Variants in GNG12 observed in about 807,000 individuals in gnomAD.
GNG12 encodes G protein subunit gamma 12.
For synonymous variants in GNG12, 28 were observed against 29.7 expected (o/e 0.94, Z 0.19); for missense variants, 69 against 83.8 (o/e 0.82, Z 0.69).
intron 1 of GNG12, among the ~76,000 whole-genome samples, chr1:67,826,877 C>A (rs1445867210): frequency 6.6e-6 from 1 of 152,182 alleles, no homozygotes; most frequent in African/African-American, 2.4e-5. Context: ...GAGGTAACTG[C>A]AAGCTTGGGG....
rs79798278 is a variant in GNG12 at position 67,725,013 on chromosome 1, C to T, written c.-26-17301G>A. Among the ~76,000 whole-genome samples, 171 of 152,304 alleles carry T rather than the reference C, an allele frequency of 1.1e-3. 3 individuals are homozygous for T. In the East Asian group the frequency reaches 0.028, roughly 25 times the overall value. On this transcript the variant is annotated intron_variant, in intron 2 of 3. Transcript: ENST00000370982. ...GTTAATTATTATCTACAATTTCCTT[C>T]TTTAGATCATGATCTAACAAGTATG...
At chr1:67,777,156 G>A (rs1217395691) in intron 2 of GNG12, 1 of 152,136 alleles carries the variant, frequency 6.6e-6, no homozygotes, top group Non-Finnish European at 1.5e-5. Context: ...ACACTCTGTT[G>A]TTTTGGATAC....
At chr1:67,792,936 T>A (rs1376834041) in intron 1 of GNG12, among the ~76,000 whole-genome samples, 1 of 152,204 alleles carries the variant, frequency 6.6e-6, no homozygotes, top group Non-Finnish European at 1.5e-5. Context: ...CCATTTATCA[T>A]GACACACTCA....
chr1:67,751,852 T>C (rs953643465), intron 2 of GNG12, among the ~76,000 whole-genome samples: 1 of 152,118 alleles, frequency 6.6e-6, no homozygotes, highest in African/African-American at 2.4e-5. Flanking sequence ...TGAACACGGG[T>C]ACTGAATGAG....
chr1:67,730,825 AC>A (rs897493754), intron 2 of GNG12, among the ~76,000 whole-genome samples: 2 of 152,124 alleles, frequency 1.3e-5, no homozygotes, highest in East Asian at 1.9e-4. Context: ...GGGCCCAGGA[AC>A]CCTTTTCAAT....
At chr1:67,781,141 G>T (rs768820599) in intron 1 of GNG12, among the ~76,000 whole-genome samples, 2 of 152,226 alleles carry the variant, frequency 1.3e-5, no homozygotes, top group African/African-American at 2.4e-5. Flanking sequence ...CCTGGTCAGA[G>T]ATTGTATTAG....
rs761117265 is a variant in GNG12 at position 67,703,976 on chromosome 1, TGAA to T, written c.*1472_*1474del. 1 of 152,252 alleles carries T rather than the reference TGAA, an allele frequency of 6.6e-6. No homozygotes were observed. The highest frequency in any genetic ancestry group is 2.4e-5 in the African/African-American group (1 of 41,468). The allele number at this position is 152,252 out of a possible 1,614,324, so 9.4% of individuals were successfully genotyped here. On this transcript the variant is annotated 3_prime_UTR_variant, in exon 4 of 4. Coordinates refer to ENST00000370982, the MANE Select transcript of GNG12 (RefSeq NM_018841.6). ...TCCTTAGTAGTTACTTTTAATGAAC[TGAA>T]GAAGAATTAAAGCATCAAAGGCCTA...
intron 1 of GNG12, among the ~76,000 whole-genome samples, chr1:67,785,574 T>C (rs777978522): frequency 6.6e-6 from 1 of 152,160 alleles, no homozygotes; most frequent in Non-Finnish European, 1.5e-5. Flanking sequence ...TTTCTCTGCA[T>C]GGAGGAGCAC....
intron 2 of GNG12, among the ~76,000 whole-genome samples, chr1:67,736,268 G>A (rs1408124869): frequency 1.3e-5 from 2 of 152,104 alleles, no homozygotes; most frequent in African/African-American, 4.8e-5. Context: ...TGCCAAGCGT[G>A]AGAGTGTACA....
chr1:67,807,270 G>A (rs1039888399), intron 1 of GNG12, among the ~76,000 whole-genome samples: 2 of 151,868 alleles, frequency 1.3e-5, no homozygotes, highest in African/African-American at 4.8e-5. Flanking sequence ...AAACTTATGG[G>A]ATGAAGCAAA....
intron 1 of GNG12, among the ~76,000 whole-genome samples, chr1:67,805,302 G>GGC (rs1422270356): frequency 6.6e-6 from 1 of 151,942 alleles, no homozygotes; most frequent in Non-Finnish European, 1.5e-5. Context: ...CAAATTACAA[G>GGC]GCATACTAAA....
At chr1:67,785,341 G>T (rs190703723) in intron 1 of GNG12, among the ~76,000 whole-genome samples, 130 of 152,116 alleles carry the variant, frequency 8.5e-4, no homozygotes, top group African/African-American at 3.0e-3. Flanking sequence ...AGTTTTACTT[G>T]ATTATTATTA....
chr1:67,709,402 T>G (rs1173223981), intron 2 of GNG12, among the ~76,000 whole-genome samples: 2 of 152,140 alleles, frequency 1.3e-5, no homozygotes, highest in East Asian at 3.8e-4. Context: ...CCAGCCCTTT[T>G]TAGAGTCCCT....
At position 67,702,184 on chromosome 1, in the gene GNG12, A is replaced by AT. The variant is rs577994912; in HGVS notation, c.*3266dup. On this transcript the variant is annotated 3_prime_UTR_variant, in exon 4 of 4. Transcript: ENST00000370982. ...TATAAGATTCTATTTGATTTGATGT[A>AT]TTTTTTCCCCATTAACAGGTCTACC... 2.3e-4 allele frequency: 35 copies of AT among 152,304 alleles called. No individual in the cohort carries two copies. Among genetic ancestry groups the AT allele is most frequent in the African/African-American group, 4.6e-4 (19 of 41,558 alleles). 9.4% of individuals were successfully genotyped at this position (152,304 alleles called of 1,614,324 possible).
chr1:67,718,660 G>A (rs1646340581), intron 2 of GNG12, among the ~76,000 whole-genome samples: 1 of 150,180 alleles, frequency 6.7e-6, no homozygotes, highest in Non-Finnish European at 1.5e-5. Context: ...GCTCTCTGCA[G>A]CTCAGGTCAG....
chr1:67,742,507 G>A (rs1031350326), intron 2 of GNG12, among the ~76,000 whole-genome samples: 7 of 151,994 alleles, frequency 4.6e-5, no homozygotes, highest in Non-Finnish European at 1.0e-4. Flanking sequence ...CAAAGCATTC[G>A]TTCTCACAAT....
chr1:67,807,645 T>A (rs955012971), intron 1 of GNG12, among the ~76,000 whole-genome samples: 1 of 151,752 alleles, frequency 6.6e-6, no homozygotes, highest in Admixed American at 6.6e-5. Flanking sequence ...CTACTACAGA[T>A]CCCATATACA....
At chr1:67,726,870 ATACCCACTACCTTTGGTTTCAGGC>A (rs1330701373) in intron 2 of GNG12, among the ~76,000 whole-genome samples, 2 of 152,158 alleles carry the variant, frequency 1.3e-5, no homozygotes, top group African/African-American at 2.4e-5. Context: ...TGGTTTTAGG[ATACCCACTACCTTTGGTTTCAGGC>A]TACCCACTAC....
chr1:67,715,043 C>T (rs992961111), intron 2 of GNG12, among the ~76,000 whole-genome samples: 9 of 152,130 alleles, frequency 5.9e-5, no homozygotes, highest in South Asian at 2.1e-4. Flanking sequence ...CTTAGCCTCC[C>T]GAGTAGCTGG....
Sources: gnomAD v4.1 joint callset for allele counts (sites outside exome capture counted in the v4.1 genomes callset) on GRCh38, gnomAD v4.1.1 for gene constraint, MANE v1.5 for transcripts, NCBI Gene and HGNC (gene_info 2026-07-23, HGNC 2026-07-21) for gene names.